Variants in NCAM2 observed in about 807,000 individuals in gnomAD.
NCAM2 encodes the protein neural cell adhesion molecule 2.
A neutral mutation model predicts 98.1 loss-of-function variants in NCAM2; 30 were observed. The ratio of observed to expected loss-of-function variants is 0.31; its 90% confidence interval spans 0.23 to 0.41. The LOEUF (loss-of-function observed/expected upper bound fraction) is 0.41. Ranked by LOEUF, NCAM2 falls within the 10% of genes least tolerant of loss-of-function variation. The probability of loss-of-function intolerance (pLI) is 1.00; values close to 1 mark genes in which losing one functional copy is unlikely to be tolerated. For synonymous variants in NCAM2, 368 were observed against 342.4 expected (o/e 1.07, Z -0.83); for missense variants, 867 against 1,005.8 (o/e 0.86, Z 1.87).
intron 1 of NCAM2, among the ~76,000 whole-genome samples, chr21:21,163,952 C>A (rs577650104): frequency 6.6e-6 from 1 of 152,212 alleles, no homozygotes. Context: ...TCTCCTGGCC[C>A]AGTCTGTCTG....
intron 11 of NCAM2, among the ~76,000 whole-genome samples, chr21:21,419,720 A>G (rs187796312): frequency 4.9e-4 from 74 of 152,068 alleles, no homozygotes; most frequent in Non-Finnish European, 4.0e-4. Flanking sequence ...ATAGTATTCC[A>G]TGGTGTATAT....
intron 1 of NCAM2, among the ~76,000 whole-genome samples, chr21:21,080,174 G>C (rs144590005): frequency 6.6e-6 from 1 of 152,102 alleles, no homozygotes; most frequent in Non-Finnish European, 1.5e-5. Context: ...GGTTTTATGG[G>C]TGTATGTATT....
At chr21:21,113,835 T>A (rs1026528905) in intron 1 of NCAM2, among the ~76,000 whole-genome samples, 2 of 152,194 alleles carry the variant, frequency 1.3e-5, no homozygotes, top group African/African-American at 4.8e-5. Context: ...GGCCTCATGA[T>A]AATTTAATAC....
At chr21:21,098,592 A>T (rs933746691) in intron 1 of NCAM2, among the ~76,000 whole-genome samples, 1 of 151,784 alleles carries the variant, frequency 6.6e-6, no homozygotes, top group Non-Finnish European at 1.5e-5. Flanking sequence ...TTAGGGAGGT[A>T]TTATCCCCAT....
chr21:21,429,538 A>C (rs990202144), intron 11 of NCAM2, among the ~76,000 whole-genome samples: 8 of 152,152 alleles, frequency 5.3e-5, no homozygotes, highest in Admixed American at 1.3e-4. Flanking sequence ...GGCATTTTTT[A>C]AGGGGATCCG....
intron 11 of NCAM2, among the ~76,000 whole-genome samples, chr21:21,419,983 T>C (rs1167452861): frequency 6.6e-6 from 1 of 152,060 alleles, no homozygotes; most frequent in Non-Finnish European, 1.5e-5. Flanking sequence ...ACCAACAGTG[T>C]AAAAGTGTTC....
At chr21:21,081,156 T>C (rs1384611648) in intron 1 of NCAM2, among the ~76,000 whole-genome samples, 1 of 152,158 alleles carries the variant, frequency 6.6e-6, no homozygotes, top group African/African-American at 2.4e-5. Context: ...ACTAGAGTTG[T>C]ACGCATGCTC....
chr21:21,425,449 C>T (rs1359935854), intron 11 of NCAM2, among the ~76,000 whole-genome samples: 4 of 151,918 alleles, frequency 2.6e-5, no homozygotes, highest in Admixed American at 1.3e-4. Context: ...TTGAAATGCC[C>T]AGTACTAAAG....
chr21:21,379,324 T>A (rs1399885088), intron 9 of NCAM2, among the ~76,000 whole-genome samples: 1 of 152,080 alleles, frequency 6.6e-6, no homozygotes, highest in Non-Finnish European at 1.5e-5. Context: ...CACCATGCAC[T>A]TAGTTGTAGA....
chr21:21,324,535 C>A, intron 6 of NCAM2, 35 bp downstream of exon 6: 2 of 1,384,724 alleles, frequency 1.4e-6, no homozygotes, highest in Non-Finnish European at 2.0e-6. Context: ...TGGCTTGTGT[C>A]CATTATCAGG....
chr21:21,146,039 A>G (rs1441169364), intron 1 of NCAM2, among the ~76,000 whole-genome samples: 4 of 152,176 alleles, frequency 2.6e-5, no homozygotes, highest in Non-Finnish European at 5.9e-5. Flanking sequence ...ACAGAGAAAC[A>G]CGTTTTTTGA....
At chr21:21,181,595 T>G (rs1236539080) in intron 1 of NCAM2, among the ~76,000 whole-genome samples, 2 of 152,188 alleles carry the variant, frequency 1.3e-5, no homozygotes, top group Non-Finnish European at 2.9e-5. Flanking sequence ...GGACAGCTGC[T>G]CATCAATTAG....
chr21:21,158,161 A>T (rs1424055581), intron 1 of NCAM2, among the ~76,000 whole-genome samples: 1 of 152,238 alleles, frequency 6.6e-6, no homozygotes, highest in African/African-American at 2.4e-5. Flanking sequence ...AATTTTAAAA[A>T]GACAGACTAT....
chr21:21,377,813 A>C (rs192039293), intron 9 of NCAM2, among the ~76,000 whole-genome samples: 181 of 151,888 alleles, frequency 1.2e-3, no homozygotes, highest in African/African-American at 4.2e-3. Context: ...CTACCCTTTG[A>C]TCAATAACTC....
intron 1 of NCAM2, among the ~76,000 whole-genome samples, chr21:21,033,563 TC>T (rs1014981912): frequency 6.6e-6 from 1 of 151,588 alleles, no homozygotes; most frequent in East Asian, 1.9e-4. Flanking sequence ...ATAAATGACC[TC>T]CCCCCCAAAA....
At chr21:21,103,346 A>C (rs2066282865) in intron 1 of NCAM2, among the ~76,000 whole-genome samples, 1 of 152,076 alleles carries the variant, frequency 6.6e-6, no homozygotes, top group Non-Finnish European at 1.5e-5. Flanking sequence ...CAGGAAACTT[A>C]ACAAAAGGCT....
intron 5 of NCAM2, among the ~76,000 whole-genome samples, chr21:21,312,959 T>C (rs1277011118): frequency 6.6e-6 from 1 of 151,816 alleles, no homozygotes; most frequent in Admixed American, 6.6e-5. Context: ...AACTTTGTGG[T>C]TTCTGATTTT....
chr21:21,286,372 C>T lies in NCAM2; in HGVS notation c.441C>T (p.Ser147=). The T allele has an allele frequency of 6.2e-7, 1 of 1,612,384 alleles. No homozygotes were observed. Among genetic ancestry groups the T allele is most frequent in the Non-Finnish European group, 8.5e-7 (1 of 1,178,958 alleles). The part of the protein sequence containing the change: ...RVSSSPAPAV[S]WLYHNEEVTT... ...GCAGTTCACCTGCACCTGCTGTCAGCTGGTTGTATCATAATGAGGAAGTCA... is the reference window on the plus strand; with the variant it reads ...GCAGTTCACCTGCACCTGCTGTCAGTTGGTTGTATCATAATGAGGAAGTCA... Residue 147 remains serine (S), a synonymous_variant, in exon 4 of 18, where the codon AGC becomes AGT. Transcript: ENST00000400546.
At position 21,284,380 on chromosome 21, in the gene NCAM2, C is replaced by T. The variant is rs769154470; in HGVS notation, c.317C>T (p.Thr106Ile). 2 of 1,611,512 alleles carry T rather than the reference C, an allele frequency of 1.2e-6. No homozygotes were observed. The highest frequency in any genetic ancestry group is 4.5e-5 in the East Asian group (2 of 44,746). The change falls in exon 3 of 18, where the codon ACA (threonine) becomes ATA (isoleucine). Residue 106 changes from threonine (T) to isoleucine (I), a missense_variant. By Grantham distance (89) the Thr-to-Ile change is moderately conservative. Around this residue, in one of 5 missense-constraint regions of NCAM2, gnomAD observed 447 missense variants for 495.7 expected, o/e 0.90. Coordinates refer to ENST00000400546, the MANE Select transcript of NCAM2 (RefSeq NM_004540.5). The stretch of plus-strand genomic sequence containing the variant: ...GCCAAAGGACAAACACAAGAAGCTA[C>T]AGTAGTTTTGGAAATTTACCGTAAG... ...TDAKGQTQEA[T>I]VVLEIYQKLT...
Sources: gnomAD v4.1 joint callset for allele counts (sites outside exome capture counted in the v4.1 genomes callset) on GRCh38, gnomAD v4.1.1 for gene constraint, gnomAD v4.1.1 regional missense constraint, MANE v1.5 for transcripts, NCBI Gene and HGNC (gene_info 2026-07-23, HGNC 2026-07-21) for gene names.